Variants in SDK1 observed in about 807,000 individuals in gnomAD.
SDK1 encodes the protein sidekick cell adhesion molecule 1.
SDK1 carries 157 observed loss-of-function variants against 245.5 expected under a neutral mutation model. That is an observed-to-expected ratio of 0.64 (90% CI 0.56 to 0.73). SDK1 has a LOEUF of 0.73. SDK1 is among the 30% of genes least tolerant of loss of function. SDK1 has a pLI of 0.00. For synonymous variants in SDK1, 1,647 were observed against 1,278.5 expected (o/e 1.29, Z -6.15); for missense variants, 3,583 against 3,002.3 (o/e 1.19, Z -4.52).
In SDK1 at chr7:4,011,128, C is replaced by T. The variant is rs906723061; in HGVS notation, c.2279+15C>T. ...GAGACAAGCAGGTGCGTGAATCCCG[C>T]CCCAGGTGGGGGTGTGGAACAGCCG... On this transcript the variant is annotated intron_variant, in intron 15 of 44. Coordinates refer to ENST00000404826, the MANE Select transcript of SDK1 (RefSeq NM_152744.4). 3 of 1,612,266 alleles carry T rather than the reference C, an allele frequency of 1.9e-6. No individual in the cohort carries two copies. Among genetic ancestry groups the T allele is most frequent in the Admixed American group, 1.7e-5 (1 of 59,918 alleles).
chr7:3,950,812 C>G (rs1488689938), intron 5 of SDK1, 111 bp from the exon 6 acceptor site: 10 of 727,194 alleles, frequency 1.4e-5, no homozygotes, highest in Admixed American at 8.8e-5. Flanking sequence ...GATTGGTACT[C>G]TCTTTGGTTT....
intron 42 of SDK1, among the ~76,000 whole-genome samples, chr7:4,241,444 G>A (rs1429193048): frequency 6.6e-6 from 1 of 152,146 alleles, no homozygotes; most frequent in Non-Finnish European, 1.5e-5. Context: ...AAACCAGCCT[G>A]GGCAACGTAG....
intron 1 of SDK1, among the ~76,000 whole-genome samples, chr7:3,496,448 G>A (rs1407835149): frequency 6.7e-6 from 1 of 150,172 alleles, no homozygotes; most frequent in Non-Finnish European, 1.5e-5. Context: ...GTATCACGCT[G>A]TGTTTTTAAC....
At chr7:3,644,084 G>C (rs1032416465) in intron 4 of SDK1, among the ~76,000 whole-genome samples, 1 of 150,626 alleles carries the variant, frequency 6.6e-6, no homozygotes, top group African/African-American at 2.4e-5. Flanking sequence ...TGTGTTTTTA[G>C]CAGAGGTGAG....
At chr7:3,861,917 T>C (rs1780702875) in intron 5 of SDK1, among the ~76,000 whole-genome samples, 1 of 152,180 alleles carries the variant, frequency 6.6e-6, no homozygotes, top group Non-Finnish European at 1.5e-5. Flanking sequence ...CCAGGAGCTG[T>C]GGCACTCCGG....
intron 1 of SDK1, among the ~76,000 whole-genome samples, chr7:3,435,019 C>A (rs1583852615): frequency 6.6e-6 from 1 of 152,138 alleles, no homozygotes; most frequent in South Asian, 2.1e-4. Context: ...GTCTGGATCC[C>A]ATTAATAAGA....
intron 28 of SDK1, among the ~76,000 whole-genome samples, chr7:4,144,861 T>A (rs955128462): frequency 6.6e-6 from 1 of 152,134 alleles, no homozygotes; most frequent in Non-Finnish European, 1.5e-5. Context: ...TTGATTTTTT[T>A]TGGAAGCCAC....
chr7:3,584,670 A>T (rs967501773), intron 1 of SDK1, among the ~76,000 whole-genome samples: 1 of 151,516 alleles, frequency 6.6e-6, no homozygotes, highest in Non-Finnish European at 1.5e-5. Context: ...CCGCTGAGTG[A>T]GCTGGTGTGT....
chr7:3,468,905 G>C (rs1781094975), intron 1 of SDK1, among the ~76,000 whole-genome samples: 1 of 152,168 alleles, frequency 6.6e-6, no homozygotes, highest in South Asian at 2.1e-4. Flanking sequence ...CATACCTTCA[G>C]AGGGTGAAGG....
intron 4 of SDK1, among the ~76,000 whole-genome samples, chr7:3,656,124 T>G (rs1206698923): frequency 1.3e-5 from 2 of 152,128 alleles, no homozygotes; most frequent in Non-Finnish European, 2.9e-5. Flanking sequence ...TTTGTATGTT[T>G]TAGGTAGTTT....
chr7:3,700,838 T>A (rs1268185131), intron 4 of SDK1, among the ~76,000 whole-genome samples: 2 of 152,180 alleles, frequency 1.3e-5, no homozygotes, highest in Non-Finnish European at 2.9e-5. Context: ...ACCTCCCACC[T>A]TTTTTCCCCT....
chr7:3,555,611 G>A lies in SDK1; in HGVS notation c.299-63469G>A, dbSNP rs530490213. Among the ~76,000 whole-genome samples the A allele has an allele frequency of 3.3e-5, 5 of 152,142 alleles. No individual in the cohort carries two copies. The South Asian group carries it at 1.0e-3, about 32-fold the overall frequency. On this transcript the variant is annotated intron_variant, in intron 1 of 44. Transcript: ENST00000404826. ...GTTAAAAAGCTTCTGCACAGCAAAG[G>A]AAAACAATCAACAAAGCAAAGAGAC...
chr7:3,723,180 G>A (rs1778873232), intron 4 of SDK1, among the ~76,000 whole-genome samples: 1 of 152,156 alleles, frequency 6.6e-6, no homozygotes, highest in Admixed American at 6.5e-5. Context: ...TCAAAATTGA[G>A]CTTTGTCCCT....
chr7:4,259,823 C>T (rs1320108519), intron 44 of SDK1, among the ~76,000 whole-genome samples: 1 of 152,178 alleles, frequency 6.6e-6, no homozygotes, highest in Non-Finnish European at 1.5e-5. Flanking sequence ...AAGCCTGGAA[C>T]TAGGAGGAAG....
At chr7:3,423,840 T>C (rs1308488637) in intron 1 of SDK1, among the ~76,000 whole-genome samples, 2 of 152,096 alleles carry the variant, frequency 1.3e-5, no homozygotes, top group Non-Finnish European at 2.9e-5. Flanking sequence ...TAACACAGAG[T>C]AAAAATAAGT....
At chr7:3,732,927 T>A (rs2115042827) in intron 4 of SDK1, among the ~76,000 whole-genome samples, 1 of 152,306 alleles carries the variant, frequency 6.6e-6, no homozygotes, top group East Asian at 1.9e-4. Context: ...TGAGTGGAAG[T>A]TATCCTGGAG....
At chr7:3,442,999 A>G (rs1020430555) in intron 1 of SDK1, among the ~76,000 whole-genome samples, 5 of 151,338 alleles carry the variant, frequency 3.3e-5, no homozygotes, top group Non-Finnish European at 5.9e-5. Context: ...TGTGGGAAGC[A>G]TGTTTACTTA....
At chr7:3,928,088 G>A (rs780241738) in intron 5 of SDK1, among the ~76,000 whole-genome samples, 1 of 152,162 alleles carries the variant, frequency 6.6e-6, no homozygotes, top group Non-Finnish European at 1.5e-5. Context: ...TTCAGTGACT[G>A]CCTCTGTCTT....
chr7:3,748,982 TCAAC>T lies in SDK1; in HGVS notation c.714-72454_714-72451del, dbSNP rs140366397. 5.4e-3 allele frequency among the ~76,000 whole-genome samples: 816 copies of T among 152,134 alleles called. 6 individuals carry two copies. The highest frequency in any genetic ancestry group is 0.018 in the African/African-American group (765 of 41,480). ...GGTTTCAGTATACTAGGAAAAAAAATCAACCAACCAACCAACCCAACTCACACTT... is the reference window on the plus strand; with the variant it reads ...GGTTTCAGTATACTAGGAAAAAAAATCAACCAACCAACCCAACTCACACTT... On this transcript the variant is annotated intron_variant, in intron 4 of 44. Coordinates refer to ENST00000404826, the MANE Select transcript of SDK1 (RefSeq NM_152744.4).
Sources: allele counts gnomAD v4.1 joint callset (sites outside exome capture counted in the v4.1 genomes callset), GRCh38; gene constraint gnomAD v4.1.1; transcripts MANE v1.5; gene names NCBI Gene and HGNC (gene_info 2026-07-23, HGNC 2026-07-21).